The following ERH variants were observed in gnomAD, a reference collection of about 807,000 sequenced individuals.
ERH encodes ERH mRNA splicing and mitosis factor.
ERH carries 1 observed loss-of-function variant against 16.8 expected under a neutral mutation model. That is an observed-to-expected ratio of 0.06 (90% CI 0.02 to 0.28). The LOEUF is 0.28. Ranked by LOEUF, ERH falls within the 10% of genes least tolerant of loss-of-function variation. ERH has a pLI of 1.00. For synonymous variants in ERH, 43 were observed against 43.6 expected, an observed-to-expected ratio of 0.99 and a Z score of 0.05; for missense variants, 42 against 127.5, an observed-to-expected ratio of 0.33 and a Z score of 3.23.
At chr14:69,390,000 C>T (rs1003137677) in intron 2 of ERH, among the ~76,000 whole-genome samples, 4 of 151,748 alleles carry the variant, frequency 2.6e-5, no homozygotes, top group African/African-American at 9.7e-5. Flanking sequence ...CTCAAGCAAT[C>T]CGCTCACCTT....
chr14:69,386,846 T>C (rs948705616), intron 3 of ERH, 117 bp downstream of exon 3: 2 of 872,556 alleles, frequency 2.3e-6, no homozygotes, highest in East Asian at 2.6e-5. Context: ...CTATACACTA[T>C]GCAAATGCAA....
chr14:69,395,660 G>A (rs757516619), intron 1 of ERH, among the ~76,000 whole-genome samples: 4 of 152,160 alleles, frequency 2.6e-5, no homozygotes, highest in Admixed American at 1.3e-4. Context: ...CAACCTCAGC[G>A]TAAGAGCAAA....
At chr14:69,392,160 AG>A (rs1882227680) in intron 2 of ERH, among the ~76,000 whole-genome samples, 1 of 148,332 alleles carries the variant, frequency 6.7e-6, no homozygotes, top group African/African-American at 2.5e-5. Flanking sequence ...CTTAAAAAAA[AG>A]GGGGGAGGAA....
At chr14:69,395,804 C>G (rs1389070479) in intron 1 of ERH, among the ~76,000 whole-genome samples, 2 of 152,172 alleles carry the variant, frequency 1.3e-5, no homozygotes, top group Non-Finnish European at 2.9e-5. Context: ...ACTGGGCTTT[C>G]TCATACCAAA....
At chr14:69,391,497 A>C (rs2045923674) in intron 2 of ERH, among the ~76,000 whole-genome samples, 1 of 151,504 alleles carries the variant, frequency 6.6e-6, no homozygotes, top group Non-Finnish European at 1.5e-5. Flanking sequence ...ATACAAAAAA[A>C]GGTAGCCAGG....
intron 3 of ERH, among the ~76,000 whole-genome samples, chr14:69,380,982 AAAC>A (rs1305430922): frequency 6.6e-6 from 1 of 152,248 alleles, no homozygotes; most frequent in Non-Finnish European, 1.5e-5. Context: ...AGTGATTAAA[AAAC>A]AACAACAAAA....
At chr14:69,386,613 T>G (rs2045894952) in intron 3 of ERH, 1 of 168,968 alleles carries the variant, frequency 5.9e-6, no homozygotes, top group African/African-American at 2.4e-5. Context: ...TGAAATGTCA[T>G]GAAAAAAAGA....
At chr14:69,384,400 G>C (rs1042133333) in intron 3 of ERH, among the ~76,000 whole-genome samples, 1 of 152,144 alleles carries the variant, frequency 6.6e-6, no homozygotes, top group African/African-American at 2.4e-5. Flanking sequence ...TTGTCAAAGG[G>C]AGCTAGCAAA....
chr14:69,381,937 C>T (rs544844974), intron 3 of ERH, among the ~76,000 whole-genome samples: 3 of 152,186 alleles, frequency 2.0e-5, no homozygotes, highest in East Asian at 1.9e-4. Context: ...GTGATCCAGC[C>T]GCCTCGGCCG....
chr14:69,393,749 C>T lies in ERH; in HGVS notation c.91+1076G>A, dbSNP rs181693969. On this transcript the variant is annotated intron_variant, in intron 2 of 3. Transcript: ENST00000557016. Reference sequence around the variant, plus strand: ...AATAAAAGCCCAGACTTGGTTGGCGCGGTGGCTCATGCTTGTAATCCCAGA... The same window carrying T: ...AATAAAAGCCCAGACTTGGTTGGCGTGGTGGCTCATGCTTGTAATCCCAGA... Among the ~76,000 whole-genome samples the T allele has an allele frequency of 3.3e-5, 5 of 152,230 alleles. No individual in the cohort carries two copies. In the East Asian group the frequency reaches 5.8e-4, roughly 18 times the overall value.
intron 2 of ERH, among the ~76,000 whole-genome samples, chr14:69,391,302 A>G (rs986573576): frequency 3.3e-5 from 5 of 152,172 alleles, no homozygotes; most frequent in Non-Finnish European, 5.9e-5. Flanking sequence ...AGCAATAAAA[A>G]GAAATCAGCT....
intron 3 of ERH, among the ~76,000 whole-genome samples, chr14:69,381,053 C>T (rs778708859): frequency 2.6e-5 from 4 of 152,086 alleles, no homozygotes; most frequent in Non-Finnish European, 5.9e-5. Flanking sequence ...GAGGCTGAGG[C>T]GGGTGATCAC....
intron 2 of ERH, among the ~76,000 whole-genome samples, chr14:69,387,451 C>G (rs2045899287): frequency 6.6e-6 from 1 of 151,954 alleles, no homozygotes; most frequent in Non-Finnish European, 1.5e-5. Flanking sequence ...TCCCAGCTAC[C>G]TGGGAAGCTG....
At chr14:69,395,930 G>A (rs1882322850) in intron 1 of ERH, among the ~76,000 whole-genome samples, 1 of 152,162 alleles carries the variant, frequency 6.6e-6, no homozygotes, top group South Asian at 2.1e-4. Context: ...ACATGTTTTT[G>A]TTAGTGATCA....
In ERH at chr14:69,398,217, G is replaced by C. The variant is rs1286846363; in HGVS notation, c.3+14C>G. On this transcript the variant is annotated intron_variant, in intron 1 of 3. Transcript: ENST00000557016. Reference sequence around the variant, plus strand: ...GGGGACTCGGACTCGGGTAGCCGCGGAGGCCTTTCTCACCATCGCGCCAAA... The same window carrying C: ...GGGGACTCGGACTCGGGTAGCCGCGCAGGCCTTTCTCACCATCGCGCCAAA... 3 of 1,614,104 alleles carry C rather than the reference G, an allele frequency of 1.9e-6. No individual in the cohort carries two copies. The highest frequency in any genetic ancestry group is 3.3e-5 in the Admixed American group (2 of 60,014).
rs146761082 is a variant in ERH, at chr14:69,380,866, T to C, written c.213-226A>G. Reference sequence around the variant, plus strand: ...TGGAAAAAGAAAACATGACTTAGAATTTTTAAGTTAAATGCCCAATATGTT... The same window carrying C: ...TGGAAAAAGAAAACATGACTTAGAACTTTTAAGTTAAATGCCCAATATGTT... On this transcript the variant is annotated intron_variant, in intron 3 of 3. Coordinates refer to ENST00000557016, the MANE Select transcript of ERH (RefSeq NM_004450.3). Among the ~76,000 whole-genome samples the C allele has an allele frequency of 3.1e-3, 478 of 152,346 alleles. 4 individuals are homozygous for C. The highest frequency in any genetic ancestry group is 0.011 in the African/African-American group (464 of 41,580).
intron 3 of ERH, among the ~76,000 whole-genome samples, chr14:69,383,650 G>A (rs1487549071): frequency 6.6e-6 from 1 of 152,110 alleles, no homozygotes; most frequent in African/African-American, 2.4e-5. Context: ...TTCAAGCTAT[G>A]ATAATTTACG....
At position 69,398,223 on chromosome 14, in the gene ERH, T is replaced by C. The variant is rs1254775269; in HGVS notation, c.3+8A>G. 6.2e-7 allele frequency: 1 copy of C among 1,613,986 alleles called. No homozygotes were observed. The highest frequency in any genetic ancestry group is 8.5e-7 in the Non-Finnish European group (1 of 1,180,000). ...TCGGACTCGGGTAGCCGCGGAGGCCTTTCTCACCATCGCGCCAAACTCTCT... is the reference window on the plus strand; with the variant it reads ...TCGGACTCGGGTAGCCGCGGAGGCCCTTCTCACCATCGCGCCAAACTCTCT... On this transcript the variant is annotated splice_region_variant and intron_variant, in intron 1 of 3. Transcript: ENST00000557016.
chr14:69,386,148 A>G (rs2045891387), intron 3 of ERH, among the ~76,000 whole-genome samples: 1 of 152,232 alleles, frequency 6.6e-6, no homozygotes, highest in African/African-American at 2.4e-5. Context: ...TACAGAAAAC[A>G]AAACTCAAAC....
Sources: gnomAD v4.1 joint callset for allele counts (sites outside exome capture counted in the v4.1 genomes callset) on GRCh38, gnomAD v4.1.1 for gene constraint, MANE v1.5 for transcripts, NCBI Gene and HGNC (gene_info 2026-07-23, HGNC 2026-07-21) for gene names.